SPMIP2: variants seen among roughly 807,000 people sequenced by gnomAD.
SPMIP2 encodes sperm microtubule inner protein 2, also known as protein SPMIP2.
the SPMIP2 span, among the ~76,000 whole-genome samples, chr4:158,929,779 G>C: frequency 6.6e-6 from 1 of 152,058 alleles, no homozygotes; most frequent in African/African-American, 2.4e-5. Context: ...ATTGTTTTAT[G>C]CAGTTATCTT....
chr4:158,928,010 C>T, the SPMIP2 span, among the ~76,000 whole-genome samples: 2 of 152,346 alleles, frequency 1.3e-5, no homozygotes, highest in Admixed American at 1.3e-4. Flanking sequence ...CCTGTGCAGC[C>T]TGAACCTCCT....
chr4:158,993,100 A>T, the SPMIP2 span, among the ~76,000 whole-genome samples: 157 of 152,280 alleles, frequency 1.0e-3, 1 homozygote, highest in Middle Eastern at 3.4e-3. Flanking sequence ...AGGGCTGGGC[A>T]TGGTGTGTCA....
At chr4:158,903,524 A>G in the SPMIP2 span, among the ~76,000 whole-genome samples, 3 of 152,154 alleles carry the variant, frequency 2.0e-5, no homozygotes, top group Non-Finnish European at 2.9e-5. Context: ...AACACGTGTA[A>G]TCATAAGCTT....
At chr4:158,907,912 T>C in the SPMIP2 span, 9 of 152,312 alleles carry the variant, frequency 5.9e-5, no homozygotes, top group South Asian at 1.0e-3. Flanking sequence ...ATAAGAGAAA[T>C]TGATAGGACT....
the SPMIP2 span, among the ~76,000 whole-genome samples, chr4:158,897,768 T>C: frequency 2.2e-4 from 33 of 152,184 alleles, no homozygotes; most frequent in Non-Finnish European, 3.7e-4. Flanking sequence ...ATGGCAAAAA[T>C]TTTCTCCCAT....
the SPMIP2 span, among the ~76,000 whole-genome samples, chr4:158,956,333 C>T: frequency 1.3e-5 from 2 of 152,156 alleles, no homozygotes; most frequent in Non-Finnish European, 2.9e-5. Flanking sequence ...TGGGAGGCCG[C>T]GTGGGTGGAT....
At chr4:158,930,737 C>T in the SPMIP2 span, among the ~76,000 whole-genome samples, 2 of 152,100 alleles carry the variant, frequency 1.3e-5, no homozygotes, top group African/African-American at 2.4e-5. Flanking sequence ...CCAGGCCTGG[C>T]CTCAAGCAAT....
the SPMIP2 span, among the ~76,000 whole-genome samples, chr4:158,990,129 C>CT: frequency 2.6e-5 from 4 of 152,262 alleles, no homozygotes; most frequent in South Asian, 8.3e-4. Flanking sequence ...TGAAAAAAAG[C>CT]TCATCATCAC....
chr4:158,954,682 G>T, the SPMIP2 span, among the ~76,000 whole-genome samples: 13 of 152,308 alleles, frequency 8.5e-5, no homozygotes, highest in South Asian at 2.5e-3. Flanking sequence ...CGAGTTCAAT[G>T]ACTCAGAAAC....
the SPMIP2 span, among the ~76,000 whole-genome samples, chr4:159,002,303 T>C: frequency 1.3e-5 from 2 of 152,172 alleles, no homozygotes; most frequent in Admixed American, 6.6e-5. Context: ...AATCTGTGCT[T>C]GTAGTTTCAT....
chr4:158,982,116 A>G, the SPMIP2 span, among the ~76,000 whole-genome samples: 5 of 152,208 alleles, frequency 3.3e-5, no homozygotes, highest in African/African-American at 1.2e-4. Context: ...AAGATCAAAA[A>G]AGACAAAGAA....
chr4:158,964,626 T>C, the SPMIP2 span, among the ~76,000 whole-genome samples: 1 of 152,184 alleles, frequency 6.6e-6, no homozygotes, highest in Non-Finnish European at 1.5e-5. Context: ...TTTGACTGGC[T>C]ATTTTAGCTT....
the SPMIP2 span, among the ~76,000 whole-genome samples, chr4:159,046,599 G>A: frequency 6.6e-6 from 1 of 152,172 alleles, no homozygotes; most frequent in African/African-American, 2.4e-5. Flanking sequence ...CTGAGACAGA[G>A]TCTTGCTCTG....
At chr4:158,924,888 G>A in the SPMIP2 span, among the ~76,000 whole-genome samples, 3 of 152,150 alleles carry the variant, frequency 2.0e-5, no homozygotes, top group Non-Finnish European at 2.9e-5. Flanking sequence ...AATCAACCAC[G>A]CATTCCTGGG....
the SPMIP2 span, among the ~76,000 whole-genome samples, chr4:158,995,277 G>A: frequency 2.6e-4 from 40 of 152,220 alleles, 1 homozygote; most frequent in South Asian, 8.3e-3. Flanking sequence ...CCTGAAAGCA[G>A]GGGCAGTGGT....
At chr4:158,895,667 A>G in the SPMIP2 span, 1 of 842,278 alleles carries the variant, frequency 1.2e-6, no homozygotes, top group Non-Finnish European at 2.0e-6. Context: ...GTAGTTAGAA[A>G]TGAATTAAGA....
At chr4:158,978,711 C>A in the SPMIP2 span, among the ~76,000 whole-genome samples, 2 of 152,104 alleles carry the variant, frequency 1.3e-5, no homozygotes, top group Non-Finnish European at 2.9e-5. Flanking sequence ...GGTTTAAAGT[C>A]TGTTTTATCA....
the SPMIP2 span, among the ~76,000 whole-genome samples, chr4:158,964,145 A>C: frequency 0.5 from 70,124 of 140,002 alleles, 18,262 homozygotes; most frequent in African/African-American, 0.68. Context: ...ACAGAGTGAG[A>C]CTATCTCAAA....
the SPMIP2 span, among the ~76,000 whole-genome samples, chr4:158,929,153 T>C: frequency 6.6e-6 from 1 of 152,240 alleles, no homozygotes; most frequent in African/African-American, 2.4e-5. Flanking sequence ...TAGTTAGGAC[T>C]ACAGGTGCAT....
Sources: allele counts gnomAD v4.1 joint callset (sites outside exome capture counted in the v4.1 genomes callset), GRCh38; gene constraint gnomAD v4.1.1; transcripts MANE v1.5; gene names NCBI Gene and HGNC (gene_info 2026-07-23, HGNC 2026-07-21).